Variants in TASP1 observed in about 807,000 individuals in gnomAD.
TASP1 encodes the protein threonine aspartase 1.
TASP1 carries 16 observed loss-of-function variants against 56.6 expected under a neutral mutation model. That is an observed-to-expected ratio of 0.28 (90% CI 0.19 to 0.43). TASP1 has a LOEUF of 0.43. TASP1 is among the 20% of genes least tolerant of loss of function. The probability of loss-of-function intolerance (pLI) is 1.00; values close to 1 mark genes in which losing one functional copy is unlikely to be tolerated. For missense variants in TASP1, 393 were observed against 511.6 expected (o/e 0.77, Z 2.24); for synonymous variants, 179 against 184.2 (o/e 0.97, Z 0.23).
At chr20:13,502,354 T>A (rs1210697210) in intron 10 of TASP1, among the ~76,000 whole-genome samples, 1 of 152,034 alleles carries the variant, frequency 6.6e-6, no homozygotes, top group Non-Finnish European at 1.5e-5. Flanking sequence ...TGGCCTATAG[T>A]CACACAATGG....
At chr20:13,208,651 A>C in the TASP1 span, among the ~76,000 whole-genome samples, 16,099 of 152,210 alleles carry the variant, frequency 0.11, 1,188 homozygotes, top group East Asian at 0.29. Flanking sequence ...ATAGGCTCGC[A>C]TCTCACAAAC....
At chr20:13,282,927 A>G in the TASP1 span, among the ~76,000 whole-genome samples, 3 of 152,240 alleles carry the variant, frequency 2.0e-5, no homozygotes, top group African/African-American at 7.2e-5. Context: ...GGCAGAATGA[A>G]TGAATGAGTG....
At chr20:13,369,304 G>A in the TASP1 span, among the ~76,000 whole-genome samples, 1 of 152,142 alleles carries the variant, frequency 6.6e-6, no homozygotes, top group Admixed American at 6.5e-5. Context: ...AAATTAGCTG[G>A]GCGTGGTGGC....
chr20:13,207,739 A>C, the TASP1 span, among the ~76,000 whole-genome samples: 1 of 152,220 alleles, frequency 6.6e-6, no homozygotes, highest in Admixed American at 6.5e-5. Flanking sequence ...TGTTTTACTC[A>C]GTCCACCAAT....
At chr20:13,428,642 G>A (rs1434680754) in intron 12 of TASP1, among the ~76,000 whole-genome samples, 1 of 152,160 alleles carries the variant, frequency 6.6e-6, no homozygotes, top group Admixed American at 6.5e-5. Flanking sequence ...CTGGGGGTAG[G>A]AGGTGGCAGG....
chr20:13,254,058 T>TAA, the TASP1 span, among the ~76,000 whole-genome samples: 1 of 116,208 alleles, frequency 8.6e-6, no homozygotes, highest in Non-Finnish European at 1.8e-5. Context: ...TCATCTCTAC[T>TAA]AAAAAAAAAA....
At chr20:13,266,955 G>A in the TASP1 span, among the ~76,000 whole-genome samples, 1 of 152,174 alleles carries the variant, frequency 6.6e-6, no homozygotes, top group Non-Finnish European at 1.5e-5. Context: ...AAGTCCCTTT[G>A]AGAAGAGATA....
chr20:13,266,396 C>T, the TASP1 span, among the ~76,000 whole-genome samples: 1 of 152,124 alleles, frequency 6.6e-6, no homozygotes, highest in Non-Finnish European at 1.5e-5. Context: ...TCACCTGCCT[C>T]AGCAATGGAA....
chr20:13,338,258 C>T, the TASP1 span, among the ~76,000 whole-genome samples: 6 of 152,284 alleles, frequency 3.9e-5, no homozygotes, highest in African/African-American at 1.4e-4. Flanking sequence ...TTCTGACCTG[C>T]CATGGCATTT....
intron 8 of TASP1, among the ~76,000 whole-genome samples, chr20:13,555,382 T>TTAAA (rs772267769): frequency 2.0e-5 from 2 of 99,352 alleles, no homozygotes; most frequent in African/African-American, 7.7e-5. Context: ...AGACTCCCTC[T>TTAAA]AAAAAAAAAA....
chr20:13,417,598 T>C, intron 12 of TASP1, 77 bp from the exon 13 acceptor site: 2 of 1,494,748 alleles, frequency 1.3e-6, no homozygotes, highest in East Asian at 2.3e-5. Flanking sequence ...AATAGAACAG[T>C]TAAAGATAGC....
chr20:13,403,404 C>A (rs1259266372), intron 13 of TASP1, among the ~76,000 whole-genome samples: 1 of 152,098 alleles, frequency 6.6e-6, no homozygotes, highest in Non-Finnish European at 1.5e-5. Context: ...GTGTGATGGT[C>A]CTGAGAAATT....
At chr20:13,332,364 ATGT>A in the TASP1 span, among the ~76,000 whole-genome samples, 4 of 152,142 alleles carry the variant, frequency 2.6e-5, no homozygotes, top group Admixed American at 2.0e-4. Flanking sequence ...ACTTGTCATC[ATGT>A]TGTTTATTTG....
rs2041201046 is a variant in TASP1 at position 13,389,581 on chromosome 20, A to T, written c.*779T>A. 1 of 152,628 alleles carries T rather than the reference A, an allele frequency of 6.6e-6. No individual in the cohort carries two copies. Among genetic ancestry groups the T allele is most frequent in the African/African-American group, 2.4e-5 (1 of 41,446 alleles). The allele number at this position is 152,628 out of a possible 1,614,324, so 9.5% of individuals were successfully genotyped here. A position where few individuals can be genotyped will look rare whatever the true frequency, so the allele number is the denominator to read the frequency against. On this transcript the variant is annotated 3_prime_UTR_variant, in exon 14 of 14. Transcript: ENST00000337743. ...TATATTGTAAATAACTTTCCATTAT[A>T]CACAAATTAAGGACTGTGCATTACT...
At chr20:13,545,097 C>T (rs1054949135) in intron 8 of TASP1, among the ~76,000 whole-genome samples, 2 of 151,940 alleles carry the variant, frequency 1.3e-5, no homozygotes, top group Admixed American at 6.6e-5. Context: ...AATATACCCA[C>T]AAAAATAGAA....
intron 10 of TASP1, among the ~76,000 whole-genome samples, chr20:13,492,986 A>G (rs570561228): frequency 2.0e-5 from 3 of 152,286 alleles, no homozygotes; most frequent in East Asian, 3.9e-4. Flanking sequence ...CTTTATACAT[A>G]TATTAGTTTT....
chr20:13,193,090 AT>A, the TASP1 span, among the ~76,000 whole-genome samples: 1 of 152,152 alleles, frequency 6.6e-6, no homozygotes, highest in Non-Finnish European at 1.5e-5. Context: ...CACTAATAAA[AT>A]TTTTTCGGTA....
At chr20:13,572,705 A>AAAAT (rs2046762161) in intron 6 of TASP1, among the ~76,000 whole-genome samples, 1 of 150,426 alleles carries the variant, frequency 6.6e-6, no homozygotes. Context: ...AAAAAAAAAA[A>AAAAT]CTCTCAAGAA....
At chr20:13,296,078 AC>A in the TASP1 span, among the ~76,000 whole-genome samples, 1 of 151,902 alleles carries the variant, frequency 6.6e-6, no homozygotes, top group African/African-American at 2.4e-5. Flanking sequence ...CCCTTAATGC[AC>A]CCCACATTCC....
Sources: gnomAD v4.1 joint callset for allele counts (sites outside exome capture counted in the v4.1 genomes callset) on GRCh38, gnomAD v4.1.1 for gene constraint, MANE v1.5 for transcripts, NCBI Gene and HGNC (gene_info 2026-07-23, HGNC 2026-07-21) for gene names.